OLFM2: variants seen among roughly 807,000 people sequenced by gnomAD.
The protein encoded by OLFM2 is noelin-2.
In OLFM2, 20 loss-of-function variants were observed where a neutral mutation model predicts 43.9. The observed-to-expected ratio is 0.46, with a 90% confidence interval of 0.32 to 0.66. The LOEUF (loss-of-function observed/expected upper bound fraction) is 0.66. Ranked by LOEUF, OLFM2 falls within the 30% of genes least tolerant of loss-of-function variation. The pLI, the probability that OLFM2 is intolerant of heterozygous loss-of-function variation, is 0.04. For synonymous variants in OLFM2, 268 were observed against 278.6 expected, an observed-to-expected ratio of 0.96 and a Z score of 0.38; for missense variants, 416 against 643.6, an observed-to-expected ratio of 0.65 and a Z score of 3.83.
intron 1 of OLFM2, among the ~76,000 whole-genome samples, chr19:9,869,651 C>G (rs750777773): frequency 1.4e-4 from 21 of 152,128 alleles, no homozygotes; most frequent in South Asian, 2.1e-4. Flanking sequence ...GGGTGTCACT[C>G]TATCGTCCAG....
intron 1 of OLFM2, among the ~76,000 whole-genome samples, chr19:9,897,883 GC>G (rs779529765): frequency 3.3e-5 from 5 of 151,738 alleles, no homozygotes; most frequent in Non-Finnish European, 7.4e-5. Flanking sequence ...TGTCTGTTCT[GC>G]CTTGATTCTC....
At chr19:9,867,655 A>G (rs1025853457) in intron 1 of OLFM2, among the ~76,000 whole-genome samples, 2 of 152,206 alleles carry the variant, frequency 1.3e-5, no homozygotes, top group Non-Finnish European at 2.9e-5. Flanking sequence ...GTAAAATACC[A>G]TAAGATAGCG....
intron 1 of OLFM2, among the ~76,000 whole-genome samples, chr19:9,915,877 G>A (rs1311444513): frequency 6.6e-6 from 1 of 152,196 alleles, no homozygotes; most frequent in East Asian, 1.9e-4. Flanking sequence ...GATATCTAGG[G>A]GAAGAGAGTT....
chr19:9,862,190 C>G (rs2046369919), intron 1 of OLFM2, among the ~76,000 whole-genome samples: 1 of 152,264 alleles, frequency 6.6e-6, no homozygotes, highest in Non-Finnish European at 1.5e-5. Flanking sequence ...AGTGATACTT[C>G]TAGAACCACA....
chr19:9,873,723 A>G (rs925522798), intron 1 of OLFM2, among the ~76,000 whole-genome samples: 10 of 151,110 alleles, frequency 6.6e-5, no homozygotes, highest in African/African-American at 2.4e-4. Context: ...TCAACCTCCC[A>G]GACTCGAGCA....
chr19:9,879,863 G>A (rs924070128), intron 1 of OLFM2, among the ~76,000 whole-genome samples: 18 of 151,824 alleles, frequency 1.2e-4, no homozygotes, highest in African/African-American at 2.9e-4. Flanking sequence ...TGCAACCTCC[G>A]TCTCCTGGGT....
chr19:9,895,730 G>T (rs1387408377), intron 1 of OLFM2, among the ~76,000 whole-genome samples: 2 of 152,012 alleles, frequency 1.3e-5, no homozygotes, highest in East Asian at 3.9e-4. Flanking sequence ...CCACCTCCAG[G>T]GTTCAAGTGA....
In OLFM2 at chr19:9,854,070, G is replaced by A. The variant is rs572728232; in HGVS notation, c.*116C>T. ...GAGAACAAAAGCCCAGCAAAAAGGC[G>A]GGGAGAAAGGGCGTGACAGAGACAG... On this transcript the variant is annotated 3_prime_UTR_variant, in exon 6 of 6. Transcript: ENST00000264833. This position sits in a 1 kb window ranked among gnomAD's most constrained non-coding sequence, Gnocchi z 9.5. 61 of 887,862 alleles carry A rather than the reference G, an allele frequency of 6.9e-5. No individual in the cohort carries two copies. The East Asian group carries it at 9.5e-4, about 14-fold the overall frequency. The allele number at this position is 887,862 out of a possible 1,614,324, so 55.0% of individuals were successfully genotyped here.
intron 1 of OLFM2, among the ~76,000 whole-genome samples, chr19:9,877,402 A>G (rs1001964414): frequency 3.3e-5 from 5 of 151,504 alleles, no homozygotes; most frequent in East Asian, 1.9e-4. Flanking sequence ...GCGTGGTGGC[A>G]CATGCCTGTA....
intron 1 of OLFM2, among the ~76,000 whole-genome samples, chr19:9,882,328 G>A (rs1599478608): frequency 1.4e-5 from 2 of 146,984 alleles, no homozygotes; most frequent in East Asian, 4.2e-4. Flanking sequence ...CGTGAGGTCA[G>A]GAGATCGAGA....
At chr19:9,882,846 A>G (rs1306914070) in intron 1 of OLFM2, among the ~76,000 whole-genome samples, 4 of 151,618 alleles carry the variant, frequency 2.6e-5, no homozygotes, top group African/African-American at 9.7e-5. Flanking sequence ...GGAGTGAGCT[A>G]TGATTGTGCC....
At position 9,857,941 on chromosome 19, in the gene OLFM2, G is replaced by A; in HGVS notation, c.214-80C>T. ...GAGATGCCACAGACAAGAGCTGGCA[G>A]GAACAGAGGCTGTACAAACACCACA... On this transcript the variant is annotated intron_variant, in intron 2 of 5. Coordinates refer to ENST00000264833, the MANE Select transcript of OLFM2 (RefSeq NM_058164.4). The surrounding 1 kb of genome is among the most constrained non-coding windows in gnomAD (Gnocchi z 5.7). The A allele has an allele frequency of 1.3e-6, 2 of 1,578,146 alleles. No individual in the cohort carries two copies. The highest frequency in any genetic ancestry group is 2.2e-4 in the Middle Eastern group (1 of 4,650).
intron 1 of OLFM2, among the ~76,000 whole-genome samples, chr19:9,909,259 G>C (rs941897049): frequency 6.6e-6 from 1 of 152,162 alleles, no homozygotes; most frequent in Non-Finnish European, 1.5e-5. Context: ...CCCCCAGGCA[G>C]AGGCGACGGT....
At chr19:9,912,758 G>A (rs925546714) in intron 1 of OLFM2, among the ~76,000 whole-genome samples, 3 of 151,898 alleles carry the variant, frequency 2.0e-5, no homozygotes, top group African/African-American at 7.3e-5. Context: ...GTCAGCTCCG[G>A]CCCCAGTCTG....
At chr19:9,936,190 C>T in intron 1 of OLFM2, 114 bp downstream of exon 1, 1 of 1,203,160 alleles carries the variant, frequency 8.3e-7, no homozygotes, top group Non-Finnish European at 1.2e-6. Context: ...CCCCTCGCCG[C>T]CCTGCAGCTG....
chr19:9,927,479 T>C (rs181962373), intron 1 of OLFM2, among the ~76,000 whole-genome samples: 1 of 152,038 alleles, frequency 6.6e-6, no homozygotes, highest in East Asian at 1.9e-4. Context: ...GTTAGAATCA[T>C]GTAAAATAAG....
At position 9,854,629 on chromosome 19, in the gene OLFM2, C is replaced by G. The variant is rs773856461; in HGVS notation, c.922G>C (p.Gly308Arg). 6.2e-7 allele frequency: 1 copy of G among 1,614,128 alleles called. No homozygotes were observed. Among genetic ancestry groups the G allele is most frequent in the Admixed American group, 1.7e-5 (1 of 60,028 alleles). ...GAGTAGGGGAAGGTGTTGTTGTAAC[C>G]GGCGCCCGGGAGGCTCCTCTGCACC... The part of the protein sequence containing the change: ...VLVQRSLPGA[G>R]YNNTFPYSWG... Residue 308 changes from glycine to arginine, a missense_variant, in exon 6 of 6, where the codon GGT becomes CGT. Transcript: ENST00000264833. The surrounding 1 kb of genome is among the most constrained non-coding windows in gnomAD (Gnocchi z 9.5).
intron 1 of OLFM2, among the ~76,000 whole-genome samples, chr19:9,870,640 C>T (rs12973900): frequency 0.12 from 17,692 of 152,058 alleles, 1,099 homozygotes; most frequent in Middle Eastern, 0.17. Flanking sequence ...TTGCACGGGC[C>T]GGGCCTGCTG....
At chr19:9,918,707 T>A (rs1024907510) in intron 1 of OLFM2, among the ~76,000 whole-genome samples, 3 of 152,196 alleles carry the variant, frequency 2.0e-5, no homozygotes, top group African/African-American at 7.2e-5. Flanking sequence ...GCTCCTGATA[T>A]ATGCTACAAT....
Sources: gnomAD v4.1 joint callset for allele counts (sites outside exome capture counted in the v4.1 genomes callset) on GRCh38, gnomAD v4.1.1 for gene constraint, Gnocchi (gnomAD v3.1) non-coding constraint, MANE v1.5 for transcripts, NCBI Gene and HGNC (gene_info 2026-07-23, HGNC 2026-07-21) for gene names.